The following EPSTI1 variants were observed in gnomAD, a reference collection of about 807,000 sequenced individuals.
The protein encoded by EPSTI1 is epithelial-stromal interaction protein 1.
A neutral mutation model predicts 49.9 loss-of-function variants in EPSTI1; 66 were observed. That is an observed-to-expected ratio of 1.32 (90% confidence interval 1.08 to 1.62). The LOEUF (loss-of-function observed/expected upper bound fraction) is 1.62. EPSTI1 is among the 40% of genes most tolerant of loss of function. The pLI is 0.00. For missense variants in EPSTI1, 394 were observed against 365.5 expected, an observed-to-expected ratio of 1.08 and a Z score of -0.64; for synonymous variants, 137 against 130.7, an observed-to-expected ratio of 1.05 and a Z score of -0.33.
chr13:42,943,447 T>C (rs1223593780), intron 6 of EPSTI1, among the ~76,000 whole-genome samples: 1 of 152,232 alleles, frequency 6.6e-6, no homozygotes, highest in African/African-American at 2.4e-5. Flanking sequence ...TCAGTTAATC[T>C]TCTTCTGAGT....
intron 6 of EPSTI1, among the ~76,000 whole-genome samples, chr13:42,944,643 A>G (rs549241456): frequency 1.3e-5 from 2 of 152,336 alleles, no homozygotes; most frequent in Admixed American, 1.3e-4. Context: ...CGTTCTTCAC[A>G]TGTATCCCAG....
chr13:42,917,735 C>T (rs17621929), intron 7 of EPSTI1, 111 bp from the exon 8 acceptor site: 237,492 of 713,482 alleles, frequency 0.33, 43,750 homozygotes, highest in Non-Finnish European at 0.38. Context: ...ACTCAACCTC[C>T]GTACTGAGCA....
At chr13:42,890,539 C>A (rs2037006491) in intron 10 of EPSTI1, among the ~76,000 whole-genome samples, 1 of 152,210 alleles carries the variant, frequency 6.6e-6, no homozygotes, top group Admixed American at 6.5e-5. Context: ...ACCTCGTGAT[C>A]CGCCCACCTC....
chr13:42,979,090 C>A (rs1421282728), intron 1 of EPSTI1, among the ~76,000 whole-genome samples: 1 of 151,960 alleles, frequency 6.6e-6, no homozygotes, highest in African/African-American at 2.4e-5. Context: ...GATTCTGAGC[C>A]CAGGCTTTTT....
chr13:42,941,085 C>A (rs1299385161), intron 6 of EPSTI1, among the ~76,000 whole-genome samples: 1 of 152,126 alleles, frequency 6.6e-6, no homozygotes, highest in Non-Finnish European at 1.5e-5. Flanking sequence ...AAGCTATGGT[C>A]TCTCTTTATG....
intron 5 of EPSTI1, among the ~76,000 whole-genome samples, chr13:42,955,945 C>A (rs2039256471): frequency 6.7e-6 from 1 of 148,888 alleles, no homozygotes; most frequent in Non-Finnish European, 1.5e-5. Flanking sequence ...AATCCCTATT[C>A]ATATCAAATG....
rs999451357 is a variant in EPSTI1 at position 42,922,399 on chromosome 13, C to T, written c.657+3937G>A. ...CAAAAGGGTCATTATAAGAGGAAGG[C>T]AGAAAGGTCAGGGAGGGTGCAGAAG... is the stretch of plus-strand genomic sequence containing the variant. On this transcript the variant is annotated intron_variant, in intron 7 of 10. Coordinates refer to ENST00000313624, the MANE Select transcript of EPSTI1 (RefSeq NM_033255.5). This position sits in a 1 kb window ranked among gnomAD's most constrained non-coding sequence, Gnocchi z 4.8. 3.3e-5 allele frequency among the ~76,000 whole-genome samples: 5 copies of T among 152,020 alleles called. No homozygotes were observed. Among genetic ancestry groups the T allele is most frequent in the Non-Finnish European group, 7.4e-5 (5 of 68,012 alleles).
At chr13:42,917,748 T>G in intron 7 of EPSTI1, 124 bp from the exon 8 acceptor site, 1 of 632,008 alleles carries the variant, frequency 1.6e-6, no homozygotes, top group Non-Finnish European at 2.7e-6. Context: ...ACTGAGCATA[T>G]AGTAAGCTCT....
intron 1 of EPSTI1, among the ~76,000 whole-genome samples, chr13:42,975,820 A>AG (rs1167225181): frequency 6.6e-6 from 1 of 151,906 alleles, no homozygotes; most frequent in African/African-American, 2.4e-5. Flanking sequence ...GCCACACAAA[A>AG]AAAAGTTAGC....
At chr13:42,944,596 C>T (rs1012399078) in intron 6 of EPSTI1, among the ~76,000 whole-genome samples, 8 of 152,142 alleles carry the variant, frequency 5.3e-5, no homozygotes, top group African/African-American at 1.9e-4. Context: ...TGCAGCAAAC[C>T]ACCGTGGCAC....
rs377724179 is a variant in EPSTI1, at chr13:42,983,028, G to A, written c.188+8950C>T. ...TCAAACCTAAGCATAAAAAGACACA[G>A]TTTTCCCTGGTTCTTTGAATCTTCA... On this transcript the variant is annotated intron_variant, in intron 1 of 10. Transcript: ENST00000313624. Among the ~76,000 whole-genome samples, 8 of 152,230 alleles carry A rather than the reference G, an allele frequency of 5.3e-5. No homozygotes were observed. In the East Asian group the frequency reaches 1.2e-3, roughly 22 times the overall value.
rs191952745 is a variant in EPSTI1 at position 42,922,626 on chromosome 13, C to A, written c.657+3710G>T. On this transcript the variant is annotated intron_variant, in intron 7 of 10. Coordinates refer to ENST00000313624, the MANE Select transcript of EPSTI1 (RefSeq NM_033255.5). The surrounding 1 kb of genome is among the most constrained non-coding windows in gnomAD (Gnocchi z 4.8). ...TTTTGTTCTATTAGGTCACTACATT[C>A]GTGGTAATTTGTTACAGCAGCAAAG... 6.6e-6 allele frequency among the ~76,000 whole-genome samples: 1 copy of A among 152,150 alleles called. No homozygotes were observed. Among genetic ancestry groups the A allele is most frequent in the African/African-American group, 2.4e-5 (1 of 41,434 alleles).
chr13:42,974,646 A>G (rs1003983830), intron 1 of EPSTI1, among the ~76,000 whole-genome samples: 17 of 150,242 alleles, frequency 1.1e-4, no homozygotes, highest in Admixed American at 1.3e-4. Flanking sequence ...GCGACAGAGC[A>G]AGACTCCGTC....
chr13:42,917,859 T>C, intron 7 of EPSTI1, among the ~76,000 whole-genome samples: 1 of 152,170 alleles, frequency 6.6e-6, no homozygotes, highest in East Asian at 1.9e-4. Flanking sequence ...TCCTGCACAT[T>C]TGAAAGGATG....
rs2036924896 is a variant in EPSTI1, at chr13:42,888,377, T to G, written c.*117A>C. ...ACTCCTGACTGCACGGTCAAGTGTG[T>G]GGGCAGTTGAAATTAAGGTAAAAAC... On this transcript the variant is annotated 3_prime_UTR_variant, in exon 11 of 11. Transcript: ENST00000313624. 1.2e-6 allele frequency: 2 copies of G among 1,614,162 alleles called. No individual in the cohort carries two copies. Among genetic ancestry groups the G allele is most frequent in the East Asian group, 4.5e-5 (2 of 44,874 alleles).
intron 2 of EPSTI1, chr13:42,969,446 T>G (rs2039711758): frequency 2.4e-6 from 1 of 411,526 alleles, no homozygotes; most frequent in South Asian, 4.3e-5. Context: ...AGTATAGATT[T>G]TCCTACCATT....
Position 42,992,118 on chromosome 13 carries a change from A to G in EPSTI1, c.48T>C (p.Pro16=), listed in dbSNP as rs747852391. Reference sequence around the variant, plus strand: ...GGGGATCCCGGGTCGGGCGGGAGGCAGGGGAGGCGCCGAGCCCGGAGTTCA... The same window carrying G: ...GGGGATCCCGGGTCGGGCGGGAGGCGGGGGAGGCGCCGAGCCCGGAGTTCA... The part of the protein sequence containing the change: ...RVVNSGLGAS[P]ASRPTRDPQD... Residue 16 remains proline, a synonymous_variant, in exon 1 of 11, where the codon CCT becomes CCC. Coordinates refer to ENST00000313624, the MANE Select transcript of EPSTI1 (RefSeq NM_033255.5). 6.2e-5 allele frequency: 99 copies of G among 1,609,208 alleles called. No individual in the cohort carries two copies. The highest frequency in any genetic ancestry group is 8.4e-5 in the Non-Finnish European group (99 of 1,178,490).
intron 5 of EPSTI1, among the ~76,000 whole-genome samples, chr13:42,959,623 A>T (rs895674934): frequency 3.3e-5 from 5 of 152,174 alleles, no homozygotes; most frequent in African/African-American, 1.2e-4. Flanking sequence ...TAGCATTAAA[A>T]CTAACTGTGC....
chr13:42,968,989 A>T (rs2153432914), intron 3 of EPSTI1, 105 bp downstream of exon 3: 1 of 1,097,652 alleles, frequency 9.1e-7, no homozygotes, highest in Non-Finnish European at 1.4e-6. Context: ...CACAATGACC[A>T]AACAAACTAC....
Sources: allele counts gnomAD v4.1 joint callset (sites outside exome capture counted in the v4.1 genomes callset), GRCh38; gene constraint gnomAD v4.1.1; non-coding constraint Gnocchi (gnomAD v3.1); transcripts MANE v1.5; gene names NCBI Gene and HGNC (gene_info 2026-07-23, HGNC 2026-07-21).